The following WFDC9 variants were observed in gnomAD, a reference collection of about 807,000 sequenced individuals.
WFDC9 encodes the protein WAP four-disulfide core domain 9.
A neutral mutation model predicts 9.5 loss-of-function variants in WFDC9; 9 were observed. That is an observed-to-expected ratio of 0.95 (90% CI 0.57 to 1.65). WFDC9 has a LOEUF of 1.65. Among genes scored for constraint, WFDC9 ranks in the 40% most tolerant of loss-of-function variants. WFDC9 has a pLI of 0.00. For synonymous variants in WFDC9, 33 were observed against 32.3 expected, an observed-to-expected ratio of 1.02 and a Z score of -0.07; for missense variants, 87 against 106.7, an observed-to-expected ratio of 0.82 and a Z score of 0.81.
At chr20:45,616,228 G>T (rs1307853951) in intron 1 of WFDC9, among the ~76,000 whole-genome samples, 1 of 152,098 alleles carries the variant, frequency 6.6e-6, no homozygotes, top group Non-Finnish European at 1.5e-5. Flanking sequence ...TGAATCCTTT[G>T]TCATCATTCC....
chr20:45,623,942 C>T (rs566465651), intron 1 of WFDC9, among the ~76,000 whole-genome samples: 18 of 152,134 alleles, frequency 1.2e-4, no homozygotes, highest in African/African-American at 3.6e-4. Flanking sequence ...CCTGTTATCC[C>T]AGCACATTGG....
chr20:45,626,336 A>G (rs1190413309), intron 1 of WFDC9, among the ~76,000 whole-genome samples: 2 of 152,132 alleles, frequency 1.3e-5, no homozygotes, highest in Admixed American at 6.6e-5. Flanking sequence ...GAAGAATGTC[A>G]CTGGTATTTT....
chr20:45,622,679 C>A (rs1982127319), intron 1 of WFDC9, among the ~76,000 whole-genome samples: 2 of 152,310 alleles, frequency 1.3e-5, no homozygotes, highest in Middle Eastern at 3.4e-3. Context: ...AAGACAAGTT[C>A]TTCTACATAA....
At chr20:45,623,619 C>A (rs1272112535) in intron 1 of WFDC9, among the ~76,000 whole-genome samples, 1 of 148,254 alleles carries the variant, frequency 6.7e-6, no homozygotes, top group Non-Finnish European at 1.5e-5. Context: ...AAGAGAGAAA[C>A]TCCATCTCAA....
chr20:45,612,788 G>T (rs1475704232), intron 2 of WFDC9, among the ~76,000 whole-genome samples: 1 of 152,044 alleles, frequency 6.6e-6, no homozygotes. Context: ...AGAAAAATTT[G>T]AACTATAAAT....
chr20:45,617,428 C>G (rs1303501193), intron 1 of WFDC9, among the ~76,000 whole-genome samples: 1 of 152,140 alleles, frequency 6.6e-6, no homozygotes, highest in East Asian at 1.9e-4. Flanking sequence ...GCACTCTAGC[C>G]TGGGTGACAG....
intron 1 of WFDC9, among the ~76,000 whole-genome samples, chr20:45,629,128 TA>T (rs1982292114): frequency 6.6e-6 from 1 of 152,202 alleles, no homozygotes; most frequent in Non-Finnish European, 1.5e-5. Context: ...TTTGTATATG[TA>T]TATCTGTGTA....
intron 1 of WFDC9, chr20:45,629,636 A>G: frequency 1.6e-6 from 1 of 641,358 alleles, no homozygotes; most frequent in South Asian, 3.4e-5. Context: ...GACGAACGAC[A>G]AGGCCAGGGG....
intron 2 of WFDC9, among the ~76,000 whole-genome samples, chr20:45,610,731 C>CT (rs1981842147): frequency 6.6e-6 from 1 of 152,124 alleles, no homozygotes; most frequent in Admixed American, 6.5e-5. Context: ...GATAACAGGA[C>CT]TTGAGAAAAG....
intron 1 of WFDC9, among the ~76,000 whole-genome samples, chr20:45,625,804 A>ATTTTTTTTTTTTTTT (rs1303424661): frequency 1.2e-4 from 5 of 42,950 alleles, no homozygotes; most frequent in Admixed American, 2.5e-4. Context: ...TAGGTTCTCT[A>ATTTTTTTTTTTTTTT]TTCTTTTTTT....
At position 45,627,456 on chromosome 20, in the gene WFDC9, T is replaced by C. The variant is rs563331349; in HGVS notation, c.-153+3747A>G. ...GTAAAGCCATATGGTTCTGGACTTT[T>C]GTTTCAGGGGAGACTTTTTATTACT... On this transcript the variant is annotated intron_variant, in intron 1 of 4. Transcript: ENST00000326000. Among the ~76,000 whole-genome samples, 224 of 152,354 alleles carry C rather than the reference T, an allele frequency of 1.5e-3. 1 individual carries two copies. The highest frequency in any genetic ancestry group is 3.0e-3 in the Non-Finnish European group (205 of 68,034).
intron 1 of WFDC9, among the ~76,000 whole-genome samples, chr20:45,625,804 A>ATTTTTTTTTTTTTTTTTT (rs1303424661): frequency 2.3e-5 from 1 of 42,954 alleles, no homozygotes; most frequent in Non-Finnish European, 4.3e-5. Flanking sequence ...TAGGTTCTCT[A>ATTTTTTTTTTTTTTTTTT]TTCTTTTTTT....
Position 45,608,026 on chromosome 20 carries a change from G to T in WFDC9, c.*84C>A. 1 of 1,477,532 alleles carries T rather than the reference G, an allele frequency of 6.8e-7. No individual in the cohort carries two copies. The highest frequency in any genetic ancestry group is 9.4e-7 in the Non-Finnish European group (1 of 1,060,722). 91.5% of individuals were successfully genotyped at this position (1,477,532 alleles called of 1,614,324 possible). A position where few individuals can be genotyped will look rare whatever the true frequency, so the allele number is the denominator to read the frequency against. On this transcript the variant is annotated 3_prime_UTR_variant, in exon 5 of 5. Transcript: ENST00000326000. ...GAAAGGTTACCAGCTAGAGCCAGTG[G>T]GTGTCCCAAGAAGGAAGTAGGCAGC...
At chr20:45,625,238 C>G (rs564386365) in intron 1 of WFDC9, among the ~76,000 whole-genome samples, 2 of 152,190 alleles carry the variant, frequency 1.3e-5, no homozygotes, top group South Asian at 4.2e-4. Flanking sequence ...ATGACAACTC[C>G]CTCGCTATCA....
intron 2 of WFDC9, among the ~76,000 whole-genome samples, chr20:45,614,248 A>G (rs899793176): frequency 6.6e-6 from 1 of 152,198 alleles, no homozygotes; most frequent in African/African-American, 2.4e-5. Context: ...CATTATGCCC[A>G]GGCTGGGTAC....
intron 3 of WFDC9, 100 bp downstream of exon 3, chr20:45,609,991 G>A: frequency 1.1e-6 from 1 of 886,982 alleles, no homozygotes; most frequent in Non-Finnish European, 1.8e-6. Context: ...CTTAAGGAGA[G>A]ATCCTTTAAA....
At chr20:45,625,042 C>T (rs1982186575) in intron 1 of WFDC9, among the ~76,000 whole-genome samples, 1 of 152,148 alleles carries the variant, frequency 6.6e-6, no homozygotes, top group African/African-American at 2.4e-5. Flanking sequence ...TATGAAGATA[C>T]TACCTGAGAC....
chr20:45,627,346 G>C (rs189396410), intron 1 of WFDC9, among the ~76,000 whole-genome samples: 1 of 149,990 alleles, frequency 6.7e-6, no homozygotes, highest in Non-Finnish European at 1.5e-5. Flanking sequence ...ATTGAGCTAA[G>C]AAGAATTCCT....
chr20:45,619,514 A>C (rs1317151046), intron 1 of WFDC9, among the ~76,000 whole-genome samples: 1 of 152,238 alleles, frequency 6.6e-6, no homozygotes, highest in East Asian at 1.9e-4. Flanking sequence ...CTTTCAAGAA[A>C]TACTAGAGAA....
Sources: allele counts gnomAD v4.1 joint callset (sites outside exome capture counted in the v4.1 genomes callset), GRCh38; gene constraint gnomAD v4.1.1; transcripts MANE v1.5; gene names NCBI Gene and HGNC (gene_info 2026-07-23, HGNC 2026-07-21).